EXOC6B: variants seen among roughly 807,000 people sequenced by gnomAD.
EXOC6B encodes exocyst complex component 6B, also known as SEC15 homolog B.
Under a neutral mutation model 113.5 loss-of-function variants are expected in EXOC6B, and 54 were observed. The ratio of observed to expected loss-of-function variants is 0.48; its 90% CI spans 0.38 to 0.60. The LOEUF (loss-of-function observed/expected upper bound fraction) is 0.60, where lower values mean the gene tolerates loss of function less well. Among genes scored for constraint, EXOC6B ranks in the 20% least tolerant of loss-of-function variants. EXOC6B has a pLI of 0.00. For missense variants in EXOC6B, 797 were observed against 977.5 expected (o/e 0.82, Z 2.46); for synonymous variants, 357 against 339.0 (o/e 1.05, Z -0.58).
intron 20 of EXOC6B, 141 bp from the exon 21 acceptor site, chr2:72,184,328 G>A: frequency 3.6e-6 from 2 of 549,740 alleles, no homozygotes; most frequent in Middle Eastern, 4.5e-4. Flanking sequence ...AAGAACAGCT[G>A]CAGACTATTC....
chr2:72,546,968 CTT>C (rs1702945442), intron 8 of EXOC6B, among the ~76,000 whole-genome samples: 1 of 152,218 alleles, frequency 6.6e-6, no homozygotes, highest in African/African-American at 2.4e-5. Flanking sequence ...CTGTACTTCC[CTT>C]TAGAGGAGGG....
intron 20 of EXOC6B, among the ~76,000 whole-genome samples, chr2:72,244,772 T>G (rs887155964): frequency 3.3e-5 from 5 of 152,098 alleles, no homozygotes; most frequent in African/African-American, 4.8e-5. Flanking sequence ...TTACAGGAAC[T>G]AGTAGCAACT....
intron 18 of EXOC6B, among the ~76,000 whole-genome samples, chr2:72,434,334 G>A (rs1166013211): frequency 1.3e-5 from 2 of 152,060 alleles, no homozygotes; most frequent in Non-Finnish European, 2.9e-5. Flanking sequence ...TTTTTGCATC[G>A]ATGTTCATCA....
intron 17 of EXOC6B, among the ~76,000 whole-genome samples, chr2:72,471,227 G>T (rs1252103754): frequency 1.3e-5 from 2 of 152,088 alleles, no homozygotes; most frequent in Non-Finnish European, 2.9e-5. Context: ...GTGATGATGA[G>T]CATTTTTTCA....
At position 72,794,041 on chromosome 2, in the gene EXOC6B, C is replaced by T. The variant is rs141624027; in HGVS notation, c.113+31757G>A. ...CCCTGGGGCTCATGAGAGATAAATA[C>T]AAATTTATAAACAACTAATTACCCT... On this transcript the variant is annotated intron_variant, in intron 1 of 21. Coordinates refer to ENST00000272427, the MANE Select transcript of EXOC6B (RefSeq NM_015189.3). 9.2e-5 allele frequency among the ~76,000 whole-genome samples: 14 copies of T among 152,320 alleles called. No individual in the cohort carries two copies. In the East Asian group the frequency reaches 2.7e-3, roughly 29 times the overall value.
intron 18 of EXOC6B, among the ~76,000 whole-genome samples, chr2:72,403,789 A>G (rs1693516404): frequency 6.6e-6 from 1 of 152,232 alleles, no homozygotes. Flanking sequence ...TGAGCGACGC[A>G]TAAGACTGGT....
At position 72,288,213 on chromosome 2, in the gene EXOC6B, TTA is replaced by T. The variant is rs377347666; in HGVS notation, c.2196+46732_2196+46733del. Among the ~76,000 whole-genome samples the T allele has an allele frequency of 4.2e-3, 632 of 152,204 alleles. 6 individuals carry two copies. The highest frequency in any genetic ancestry group is 0.015 in the African/African-American group (609 of 41,528). ...TTTTGGGGATGTGGAAGAACTTGAGTTATCTTTGCTCTTGGTATAAACTGATT... is the reference window on the plus strand; with the variant it reads ...TTTTGGGGATGTGGAAGAACTTGAGTTCTTTGCTCTTGGTATAAACTGATT... On this transcript the variant is annotated intron_variant, in intron 20 of 21. Transcript: ENST00000272427.
At chr2:72,680,218 T>A (rs1676602707) in intron 6 of EXOC6B, among the ~76,000 whole-genome samples, 1 of 152,182 alleles carries the variant, frequency 6.6e-6, no homozygotes, top group African/African-American at 2.4e-5. Flanking sequence ...AAGAAAAGGG[T>A]TCTAAAAAAT....
Position 72,294,044 on chromosome 2 carries a change from AAGT to A in EXOC6B, c.2196+40900_2196+40902del. Among the ~76,000 whole-genome samples, 3 of 152,150 alleles carry A rather than the reference AAGT, an allele frequency of 2.0e-5. No homozygotes were observed. The South Asian group carries it at 6.2e-4, about 32-fold the overall frequency. On this transcript the variant is annotated intron_variant, in intron 20 of 21. Transcript: ENST00000272427. ...GATGTAAGGAAGAAGTCCACAATAA[AAGT>A]AGTCATGATAAGGGAGACAGTGGAA...
intron 20 of EXOC6B, among the ~76,000 whole-genome samples, chr2:72,320,174 GAT>G (rs1195021333): frequency 6.7e-6 from 1 of 148,710 alleles, no homozygotes; most frequent in Non-Finnish European, 1.5e-5. Flanking sequence ...TTGATTGTAA[GAT>G]ATATATATTT....
chr2:72,450,566 G>A (rs751481340), intron 18 of EXOC6B, among the ~76,000 whole-genome samples: 3 of 152,196 alleles, frequency 2.0e-5, no homozygotes, highest in Non-Finnish European at 4.4e-5. Flanking sequence ...AGATGTCATG[G>A]TTTGGTAGTT....
intron 6 of EXOC6B, among the ~76,000 whole-genome samples, chr2:72,620,401 A>G (rs537568528): frequency 1.3e-5 from 2 of 151,836 alleles, no homozygotes; most frequent in African/African-American, 4.9e-5. Flanking sequence ...ACATTTACCT[A>G]TGTAACAAAC....
At chr2:72,432,539 C>T (rs932736209) in intron 18 of EXOC6B, among the ~76,000 whole-genome samples, 4 of 152,206 alleles carry the variant, frequency 2.6e-5, no homozygotes, top group African/African-American at 9.6e-5. Context: ...TACACTCCCA[C>T]CAGGAGTGTA....
chr2:72,422,011 C>A (rs559033275), intron 18 of EXOC6B, among the ~76,000 whole-genome samples: 1 of 152,224 alleles, frequency 6.6e-6, no homozygotes, highest in African/African-American at 2.4e-5. Flanking sequence ...CCCAGCAGTG[C>A]CAGCCCACCG....
intron 2 of EXOC6B, among the ~76,000 whole-genome samples, chr2:72,738,265 T>G (rs1681090523): frequency 6.6e-6 from 1 of 152,178 alleles, no homozygotes. Context: ...ATTCATGAGA[T>G]TCTGGCCCTC....
chr2:72,228,713 C>T (rs955673153), intron 20 of EXOC6B, among the ~76,000 whole-genome samples: 2 of 152,146 alleles, frequency 1.3e-5, no homozygotes, highest in Admixed American at 6.5e-5. Flanking sequence ...GTGAATAGTG[C>T]TGCAATAAAC....
chr2:72,275,492 TCA>T (rs1452147879), intron 20 of EXOC6B, among the ~76,000 whole-genome samples: 1 of 152,188 alleles, frequency 6.6e-6, no homozygotes, highest in Non-Finnish European at 1.5e-5. Context: ...AGAAATCAAT[TCA>T]CAAAGTGAGC....
At chr2:72,310,330 C>A (rs1687110741) in intron 20 of EXOC6B, among the ~76,000 whole-genome samples, 2 of 152,114 alleles carry the variant, frequency 1.3e-5, no homozygotes, top group South Asian at 4.1e-4. Context: ...TATAGCCAAC[C>A]TGGTGGGTAT....
chr2:72,372,308 G>GA (rs1465207650), intron 19 of EXOC6B, among the ~76,000 whole-genome samples: 1 of 152,032 alleles, frequency 6.6e-6, no homozygotes, highest in Non-Finnish European at 1.5e-5. Flanking sequence ...TACAGAAATA[G>GA]AAAAAACAAT....
Sources: gnomAD v4.1 joint callset for allele counts (sites outside exome capture counted in the v4.1 genomes callset) on GRCh38, gnomAD v4.1.1 for gene constraint, MANE v1.5 for transcripts, NCBI Gene and HGNC (gene_info 2026-07-23, HGNC 2026-07-21) for gene names.